The following ADGRV1 variants were observed in gnomAD, a reference collection of about 807,000 sequenced individuals.
ADGRV1 encodes adhesion G protein-coupled receptor V1.
A neutral mutation model predicts 596.2 loss-of-function variants in ADGRV1; 359 were observed. That is an observed-to-expected ratio of 0.60 (90% CI 0.55 to 0.66). ADGRV1 has a LOEUF of 0.66. ADGRV1 is among the 30% of genes least tolerant of loss of function. The pLI, the probability that ADGRV1 is intolerant of heterozygous loss-of-function variation, is 0.00. For synonymous variants in ADGRV1, 2,681 were observed against 2,679.2 expected (o/e 1.00, Z -0.02); for missense variants, 7,274 against 7,575.6 (o/e 0.96, Z 1.48).
intron 85 of ADGRV1, among the ~76,000 whole-genome samples, chr5:91,025,831 T>C (rs1474532618): frequency 6.6e-6 from 1 of 152,146 alleles, no homozygotes; most frequent in African/African-American, 2.4e-5. Flanking sequence ...CCAGAAACTA[T>C]GAATATACTG....
chr5:90,933,610 G>C (rs1775437057), intron 83 of ADGRV1, among the ~76,000 whole-genome samples: 1 of 152,080 alleles, frequency 6.6e-6, no homozygotes, highest in Admixed American at 6.6e-5. Context: ...CAGAAGAGTT[G>C]GTTGATGAGA....
chr5:90,908,542 G>C (rs556919305), intron 83 of ADGRV1, among the ~76,000 whole-genome samples: 1 of 152,126 alleles, frequency 6.6e-6, no homozygotes, highest in African/African-American at 2.4e-5. Context: ...TTTCACATAT[G>C]TGAAGAAATC....
Position 90,823,458 on chromosome 5 carries a change from C to T in ADGRV1, c.16230C>T (p.Val5410=), listed in dbSNP as rs773382495. 1.9e-5 allele frequency: 31 copies of T among 1,613,758 alleles called. No individual in the cohort carries two copies. The highest frequency in any genetic ancestry group is 2.4e-5 in the Non-Finnish European group (28 of 1,179,818). Residue 5410 remains valine (V), a synonymous_variant, in exon 76 of 90, where the codon GTC becomes GTT. Transcript: ENST00000405460. ...AAGATGTCAAGGTCTTTTGGCGAGTCACACTTAACAAAACAGTCGTCGTGC... is the reference window on the plus strand; with the variant it reads ...AAGATGTCAAGGTCTTTTGGCGAGTTACACTTAACAAAACAGTCGTCGTGC... ...AFEDVKVFWR[V]TLNKTVVVLQ...
At chr5:91,034,658 T>A (rs1784726653) in intron 85 of ADGRV1, among the ~76,000 whole-genome samples, 1 of 152,190 alleles carries the variant, frequency 6.6e-6, no homozygotes, top group African/African-American at 2.4e-5. Context: ...CTAGCTTCTT[T>A]CAGGTGTTTT....
At chr5:90,870,775 C>T (rs1454576477) in intron 83 of ADGRV1, among the ~76,000 whole-genome samples, 1 of 152,192 alleles carries the variant, frequency 6.6e-6, no homozygotes, top group Non-Finnish European at 1.5e-5. Flanking sequence ...GGGGCTGCCA[C>T]ACAAGGGGCA....
chr5:90,744,446 A>G (rs1041426242), intron 50 of ADGRV1, among the ~76,000 whole-genome samples: 1 of 152,214 alleles, frequency 6.6e-6, no homozygotes, highest in Admixed American at 6.5e-5. Flanking sequence ...TCTCTACTTA[A>G]TATTTAATAA....
intron 87 of ADGRV1, among the ~76,000 whole-genome samples, chr5:91,121,899 T>G (rs551208570): frequency 2.6e-5 from 4 of 152,168 alleles, no homozygotes; most frequent in African/African-American, 9.7e-5. Flanking sequence ...AAATTATGTT[T>G]CTTTTTTTTC....
chr5:90,710,507 A>G (rs768729407), intron 39 of ADGRV1, among the ~76,000 whole-genome samples: 1 of 151,880 alleles, frequency 6.6e-6, no homozygotes, highest in Non-Finnish European at 1.5e-5. Flanking sequence ...ATGTGTCTCT[A>G]CTTCTGTTTG....
chr5:90,847,939 C>T (rs369605276), intron 78 of ADGRV1, among the ~76,000 whole-genome samples: 33 of 152,306 alleles, frequency 2.2e-4, no homozygotes, highest in East Asian at 1.5e-3. Flanking sequence ...GCTCCTCAAG[C>T]GCGGCCAGAG....
At chr5:90,785,149 T>C (rs1332886252) in intron 67 of ADGRV1, among the ~76,000 whole-genome samples, 2 of 152,052 alleles carry the variant, frequency 1.3e-5, no homozygotes, top group Non-Finnish European at 2.9e-5. Flanking sequence ...AAACAAGCAA[T>C]GGGGAAAGGA....
At chr5:90,589,012 A>G (rs1294068170) in intron 1 of ADGRV1, among the ~76,000 whole-genome samples, 6 of 152,226 alleles carry the variant, frequency 3.9e-5, no homozygotes, top group African/African-American at 1.4e-4. Flanking sequence ...TAAGAAGCTA[A>G]AAGTATTGTC....
At chr5:90,798,481 G>A (rs940784135) in intron 70 of ADGRV1, among the ~76,000 whole-genome samples, 8 of 152,228 alleles carry the variant, frequency 5.3e-5, no homozygotes, top group South Asian at 2.1e-4. Context: ...ATACACCGCC[G>A]AATTCTACCA....
intron 75 of ADGRV1, among the ~76,000 whole-genome samples, chr5:90,820,746 C>T (rs1348943362): frequency 6.6e-6 from 1 of 151,406 alleles, no homozygotes; most frequent in Admixed American, 6.6e-5. Context: ...TATTGGCCCC[C>T]ACTCTCTTCT....
intron 85 of ADGRV1, among the ~76,000 whole-genome samples, chr5:90,987,200 G>A (rs973288315): frequency 1.3e-5 from 2 of 152,128 alleles, no homozygotes; most frequent in Admixed American, 1.3e-4. Flanking sequence ...TAGACCAGAG[G>A]CCGGGCGTGG....
At chr5:91,031,266 G>A in intron 85 of ADGRV1, 5 of 1,586,960 alleles carry the variant, frequency 3.2e-6, no homozygotes, top group Non-Finnish European at 4.3e-6. Flanking sequence ...TGTGTTCCAA[G>A]GCCAGCCTGT....
At position 90,881,758 on chromosome 5, in the gene ADGRV1, T is replaced by G. The variant is rs185643466; in HGVS notation, c.17856+17901T>G. Among the ~76,000 whole-genome samples the G allele has an allele frequency of 3.0e-3, 453 of 152,274 alleles. 1 individual carries two copies. The highest frequency in any genetic ancestry group is 9.4e-3 in the African/African-American group (390 of 41,572). ...TTAAAAAAAAAATACAAGATCTTGC[T>G]CTATTGGTCAGGCTGGAGTGCAGTG... On this transcript the variant is annotated intron_variant, in intron 83 of 89. Transcript: ENST00000405460.
chr5:91,055,789 A>G (rs1562152670), intron 85 of ADGRV1, among the ~76,000 whole-genome samples: 1 of 152,264 alleles, frequency 6.6e-6, no homozygotes, highest in African/African-American at 2.4e-5. Context: ...AACAGGCAAC[A>G]GAATCTTTAA....
chr5:90,755,499 A>G (rs1481287729), intron 55 of ADGRV1, among the ~76,000 whole-genome samples: 4 of 152,092 alleles, frequency 2.6e-5, no homozygotes, highest in Non-Finnish European at 5.9e-5. Flanking sequence ...GTCAGTTTTT[A>G]AACTAATGAC....
chr5:90,870,718 A>G (rs1209762725), intron 83 of ADGRV1, among the ~76,000 whole-genome samples: 1 of 152,166 alleles, frequency 6.6e-6, no homozygotes, highest in Non-Finnish European at 1.5e-5. Context: ...GTGGGGAACA[A>G]TTCTGGTGGC....
Sources: allele counts gnomAD v4.1 joint callset (sites outside exome capture counted in the v4.1 genomes callset), GRCh38; gene constraint gnomAD v4.1.1; transcripts MANE v1.5; gene names NCBI Gene and HGNC (gene_info 2026-07-23, HGNC 2026-07-21).